The following RIN3 variants were observed in gnomAD, a reference collection of about 807,000 sequenced individuals.
RIN3 encodes the protein RAB5 interacting protein 3.
RIN3 carries 54 observed loss-of-function variants against 76.3 expected under a neutral mutation model. That is an observed-to-expected ratio of 0.71 (90% CI 0.57 to 0.89). The LOEUF is 0.89. RIN3 is among the 40% of genes least tolerant of loss of function. RIN3 has a pLI of 0.00. For missense variants in RIN3, 1,256 were observed against 1,322.1 expected, an observed-to-expected ratio of 0.95 and a Z score of 0.78; for synonymous variants, 576 against 564.0, an observed-to-expected ratio of 1.02 and a Z score of -0.30.
At chr14:92,600,584 T>C (rs1385796824) in intron 3 of RIN3, among the ~76,000 whole-genome samples, 1 of 152,240 alleles carries the variant, frequency 6.6e-6, no homozygotes, top group Non-Finnish European at 1.5e-5. Context: ...GTGATTCCTC[T>C]GAGACTGAGT....
chr14:92,518,511 A>G (rs890375209), intron 1 of RIN3, among the ~76,000 whole-genome samples: 43 of 152,138 alleles, frequency 2.8e-4, no homozygotes, highest in African/African-American at 1.0e-3. Flanking sequence ...CCACAAGGCT[A>G]CCACACTCCT....
intron 1 of RIN3, among the ~76,000 whole-genome samples, chr14:92,526,720 T>C (rs574652625): frequency 6.6e-6 from 1 of 152,284 alleles, no homozygotes; most frequent in East Asian, 1.9e-4. Flanking sequence ...GCCACTGCAC[T>C]CCAGGCTGGT....
At chr14:92,617,101 C>T (rs1885997032) in intron 4 of RIN3, among the ~76,000 whole-genome samples, 1 of 152,116 alleles carries the variant, frequency 6.6e-6, no homozygotes, top group Non-Finnish European at 1.5e-5. Flanking sequence ...GAGTTCGAGA[C>T]CAGCCTGGCC....
chr14:92,523,794 C>T (rs983813755), intron 1 of RIN3, among the ~76,000 whole-genome samples: 3 of 152,256 alleles, frequency 2.0e-5, no homozygotes, highest in Non-Finnish European at 4.4e-5. Context: ...CTTCCCCCAG[C>T]CTCAGTTCTG....
chr14:92,648,840 G>A lies in RIN3; in HGVS notation c.533-2742G>A, dbSNP rs987176691. 3.9e-5 allele frequency among the ~76,000 whole-genome samples: 6 copies of A among 152,176 alleles called. No homozygotes were observed. Among genetic ancestry groups the A allele is most frequent in the Admixed American group, 2.0e-4 (3 of 15,282 alleles). On this transcript the variant is annotated intron_variant, in intron 5 of 9. Coordinates refer to ENST00000216487, the MANE Select transcript of RIN3 (RefSeq NM_024832.5). The surrounding 1 kb of genome is among the most constrained non-coding windows in gnomAD (Gnocchi z 4.1). Reference sequence around the variant, plus strand: ...CAAGGCCTGAGCACATCAGGGAGGCGCTACCAGACAGGTCGCATTTGACCT... The same window carrying A: ...CAAGGCCTGAGCACATCAGGGAGGCACTACCAGACAGGTCGCATTTGACCT...
chr14:92,569,792 A>AG (rs1898015147), intron 2 of RIN3, among the ~76,000 whole-genome samples: 1 of 152,174 alleles, frequency 6.6e-6, no homozygotes, highest in African/African-American at 2.4e-5. Flanking sequence ...GGCTAGGGGC[A>AG]TCAAAATAGT....
intron 1 of RIN3, among the ~76,000 whole-genome samples, chr14:92,516,292 G>A (rs1896440353): frequency 6.6e-6 from 1 of 152,176 alleles, no homozygotes; most frequent in Non-Finnish European, 1.5e-5. Context: ...AGGTGGTGGT[G>A]GAACTCATGT....
chr14:92,555,428 C>T (rs928655708), intron 1 of RIN3, among the ~76,000 whole-genome samples: 9 of 152,164 alleles, frequency 5.9e-5, no homozygotes, highest in African/African-American at 2.2e-4. Context: ...GTTGACAGTT[C>T]TGTCCGGTTT....
At chr14:92,646,429 T>C (rs1269077815) in intron 5 of RIN3, among the ~76,000 whole-genome samples, 1 of 152,118 alleles carries the variant, frequency 6.6e-6, no homozygotes, top group Admixed American at 6.5e-5. Context: ...GTCAAGCATG[T>C]TGTGTTTGTT....
At chr14:92,625,116 G>T (rs1886308267) in intron 4 of RIN3, among the ~76,000 whole-genome samples, 1 of 152,166 alleles carries the variant, frequency 6.6e-6, no homozygotes, top group African/African-American at 2.4e-5. Flanking sequence ...ACTGATCTTT[G>T]GTCTCAAAAG....
chr14:92,585,477 C>T (rs1453088824), intron 3 of RIN3, among the ~76,000 whole-genome samples: 2 of 152,286 alleles, frequency 1.3e-5, no homozygotes, highest in East Asian at 3.9e-4. Context: ...CCAGTTAGCA[C>T]AAGGGTTCAC....
intron 4 of RIN3, among the ~76,000 whole-genome samples, chr14:92,621,788 C>T (rs1479587667): frequency 2.6e-5 from 4 of 152,198 alleles, no homozygotes; most frequent in Non-Finnish European, 5.9e-5. Flanking sequence ...CAACATATAA[C>T]AGTAAGTGTA....
At chr14:92,561,044 A>AAAATATATATATATATATATATATAT (rs1555383856) in intron 2 of RIN3, among the ~76,000 whole-genome samples, 7 of 24,388 alleles carry the variant, frequency 2.9e-4, no homozygotes, top group Non-Finnish European at 4.7e-4. Flanking sequence ...AAAAAAAAAA[A>AAAATATATATATATATATATATATAT]ATATATATAT....
chr14:92,687,804 C>T lies in RIN3; in HGVS notation c.2632-122C>T, dbSNP rs569311822. On this transcript the variant is annotated intron_variant, in intron 9 of 9. Transcript: ENST00000216487. Reference sequence around the variant, plus strand: ...GCAGAGACGGGAAAGGCGCAGGTGCCGGACTCGCAGACAGCTTGGCGCCCG... The same window carrying T: ...GCAGAGACGGGAAAGGCGCAGGTGCTGGACTCGCAGACAGCTTGGCGCCCG... 3.1e-5 allele frequency: 27 copies of T among 866,852 alleles called. No homozygotes were observed. The African/African-American group carries it at 4.4e-4, about 14-fold the overall frequency. 53.7% of individuals were successfully genotyped at this position (866,852 alleles called of 1,614,324 possible). A position where few individuals can be genotyped will look rare whatever the true frequency, so the allele number is the denominator to read the frequency against.
intron 7 of RIN3, among the ~76,000 whole-genome samples, chr14:92,673,917 T>C (rs559976136): frequency 6.6e-6 from 1 of 152,364 alleles, no homozygotes; most frequent in Admixed American, 6.5e-5. Context: ...CATACGTTTG[T>C]GACGGCTGAC....
chr14:92,629,977 C>T (rs1886511114), intron 4 of RIN3, among the ~76,000 whole-genome samples: 1 of 152,206 alleles, frequency 6.6e-6, no homozygotes, highest in Non-Finnish European at 1.5e-5. Context: ...ACGTTAGGCT[C>T]TCAGAGAGGC....
intron 2 of RIN3, 162 bp from the exon 3 acceptor site, chr14:92,577,198 G>A (rs1475547737): frequency 1.7e-6 from 1 of 573,822 alleles, no homozygotes; most frequent in African/African-American, 1.9e-5. Flanking sequence ...GTGGCGCAAG[G>A]CTCTTGGGGC....
intron 1 of RIN3, among the ~76,000 whole-genome samples, chr14:92,540,403 C>A (rs1214781108): frequency 6.6e-6 from 1 of 152,188 alleles, no homozygotes; most frequent in Non-Finnish European, 1.5e-5. Context: ...AACTTTCTCA[C>A]AAGATTTTCC....
In RIN3 at chr14:92,636,081, G is replaced by A. The variant is rs781361705; in HGVS notation, c.441-5157G>A. On this transcript the variant is annotated intron_variant, in intron 4 of 9. Coordinates refer to ENST00000216487, the MANE Select transcript of RIN3 (RefSeq NM_024832.5). ...TCTGTGCCCCAGTCTTCGGAGCTGCGAGATGAGTGTAAGGAAAGTACCTGC... is the reference window on the plus strand; with the variant it reads ...TCTGTGCCCCAGTCTTCGGAGCTGCAAGATGAGTGTAAGGAAAGTACCTGC... Among the ~76,000 whole-genome samples the A allele has an allele frequency of 7.6e-4, 115 of 152,300 alleles. 9 individuals are homozygous for A. The highest frequency in any genetic ancestry group is 3.4e-3 in the Middle Eastern group (1 of 294).
Sources: allele counts gnomAD v4.1 joint callset (sites outside exome capture counted in the v4.1 genomes callset), GRCh38; gene constraint gnomAD v4.1.1; non-coding constraint Gnocchi (gnomAD v3.1); transcripts MANE v1.5; gene names NCBI Gene and HGNC (gene_info 2026-07-23, HGNC 2026-07-21).